The following NAV2 variants were observed in gnomAD, a reference collection of about 807,000 sequenced individuals.
NAV2 encodes helicase, APC down-regulated 1.
NAV2 carries 54 observed loss-of-function variants against 223.2 expected under a neutral mutation model. The observed-to-expected ratio is 0.24, with a 90% CI of 0.19 to 0.30. NAV2 has a LOEUF of 0.30. Ranked by LOEUF, NAV2 falls within the 10% of genes least tolerant of loss-of-function variation. NAV2 has a pLI of 1.00. For missense variants in NAV2, 2,806 were observed against 3,147.5 expected, an observed-to-expected ratio of 0.89 and a Z score of 2.60; for synonymous variants, 1,279 against 1,239.3, an observed-to-expected ratio of 1.03 and a Z score of -0.67.
chr11:19,982,583 A>G (rs114469420), intron 10 of NAV2, among the ~76,000 whole-genome samples: 282 of 152,338 alleles, frequency 1.9e-3, no homozygotes, highest in African/African-American at 6.5e-3. Flanking sequence ...TTACTCCAAC[A>G]GATTTCTCAT....
intron 5 of NAV2, among the ~76,000 whole-genome samples, chr11:19,882,327 G>A (rs1445302653): frequency 2.6e-5 from 4 of 152,144 alleles, no homozygotes; most frequent in Admixed American, 6.5e-5. Flanking sequence ...ATTAACTCTC[G>A]GGAATAATGG....
At chr11:19,547,040 C>T (rs2044522020) in intron 1 of NAV2, among the ~76,000 whole-genome samples, 1 of 152,178 alleles carries the variant, frequency 6.6e-6, no homozygotes, top group African/African-American at 2.4e-5. Flanking sequence ...AGTGGGTGCA[C>T]CGGAACTGTG....
chr11:19,699,949 G>A (rs973002819), intron 1 of NAV2, among the ~76,000 whole-genome samples: 3 of 152,180 alleles, frequency 2.0e-5, no homozygotes, highest in East Asian at 1.9e-4. Flanking sequence ...GAGGATCCCC[G>A]TGAGCCAGAG....
Position 20,049,840 on chromosome 11 carries a change from C to G in NAV2, c.4375C>G (p.Leu1459Val), listed in dbSNP as rs76731633. The G allele has an allele frequency of 6.6e-5, 106 of 1,614,136 alleles. No individual in the cohort carries two copies. In the East Asian group the frequency reaches 2.1e-3, roughly 33 times the overall value. ...SVKTTLSESPLSSPAASPKFC... is the reference protein window; with the variant it reads ...SVKTTLSESPVSSPAASPKFC... ...TCTACCTGCCTGGACTTCTAGCCCT[C>G]TCTCTTCCCCTGCTGCTAGCCCTAA... The change falls in exon 16 of 38, where the codon CTC becomes GTC. Residue 1459 changes from leucine to valine, a missense_variant. By Grantham distance (32) the Leu-to-Val change is conservative. Around this residue, in one of 4 missense-constraint regions of NAV2, gnomAD observed 742 missense variants for 777.9 expected, o/e 0.95. Coordinates refer to ENST00000349880, the MANE Select transcript of NAV2 (RefSeq NM_145117.5).
chr11:19,871,527 G>A (rs543004998), intron 4 of NAV2, among the ~76,000 whole-genome samples: 1 of 152,236 alleles, frequency 6.6e-6, no homozygotes, highest in Admixed American at 6.5e-5. Flanking sequence ...AGTCTCAGCA[G>A]GCCCTGCTGA....
intron 14 of NAV2, 58 bp from the exon 15 acceptor site, chr11:20,048,670 A>G: frequency 7.0e-7 from 1 of 1,435,422 alleles, no homozygotes; most frequent in Non-Finnish European, 9.7e-7. Flanking sequence ...CTTCTTTAAC[A>G]GTCCGGTGCC....
At chr11:20,088,082 A>G (rs145631910) in intron 26 of NAV2, among the ~76,000 whole-genome samples, 2 of 152,332 alleles carry the variant, frequency 1.3e-5, no homozygotes, top group African/African-American at 4.8e-5. Flanking sequence ...GCGATACAGC[A>G]TAAGTCTAGT....
At chr11:19,966,501 A>C (rs2048783228) in intron 10 of NAV2, among the ~76,000 whole-genome samples, 1 of 151,992 alleles carries the variant, frequency 6.6e-6, no homozygotes, top group African/African-American at 2.4e-5. Context: ...CATCTCCTTC[A>C]TCCCCTCACT....
chr11:19,912,317 A>C (rs2043381136), intron 6 of NAV2, among the ~76,000 whole-genome samples: 1 of 152,252 alleles, frequency 6.6e-6, no homozygotes, highest in South Asian at 2.1e-4. Flanking sequence ...CTCTTGCAAA[A>C]GTCCTCTTTG....
Position 20,121,472 on chromosome 11 carries a change from T to A in NAV2, c.*3214T>A, listed in dbSNP as rs2063468137. On this transcript the variant is annotated 3_prime_UTR_variant, in exon 38 of 38. Transcript: ENST00000349880. ...TCTTCCTACCTATTTAATTTTCATT[T>A]GTCATGAGGTTTTTGGATTTGCCAA... The A allele has an allele frequency of 6.6e-6, 1 of 152,602 alleles. No homozygotes were observed. The highest frequency in any genetic ancestry group is 2.4e-5 in the African/African-American group (1 of 41,428). 9.5% of individuals were successfully genotyped at this position (152,602 alleles called of 1,614,324 possible).
chr11:19,499,680 G>A (rs2042903625), intron 1 of NAV2, among the ~76,000 whole-genome samples: 1 of 152,076 alleles, frequency 6.6e-6, no homozygotes, highest in African/African-American at 2.4e-5. Context: ...CATCTTTCAG[G>A]GTTATTGTGT....
chr11:20,110,462 A>G (rs1420626235), intron 36 of NAV2, among the ~76,000 whole-genome samples: 1 of 152,178 alleles, frequency 6.6e-6, no homozygotes, highest in Non-Finnish European at 1.5e-5. Context: ...GATCTCATTT[A>G]GTTCTGACAG....
intron 1 of NAV2, among the ~76,000 whole-genome samples, chr11:19,766,485 G>T (rs1400042083): frequency 6.6e-6 from 1 of 152,218 alleles, no homozygotes; most frequent in Non-Finnish European, 1.5e-5. Context: ...CAGTGCTGAT[G>T]TCTCTTAAGG....
intron 8 of NAV2, among the ~76,000 whole-genome samples, chr11:19,943,941 T>TA (rs35101045): frequency 0.3 from 46,041 of 152,044 alleles, 8,689 homozygotes; most frequent in East Asian, 0.52. Flanking sequence ...CTCACGCCTG[T>TA]AATCCCAGCA....
intron 5 of NAV2, among the ~76,000 whole-genome samples, chr11:19,884,671 G>A (rs2063421287): frequency 6.6e-6 from 1 of 152,106 alleles, no homozygotes; most frequent in Admixed American, 6.6e-5. Context: ...TTTAGGTAAA[G>A]GTGAGTTTCT....
At chr11:19,529,005 A>G (rs1481803321) in intron 1 of NAV2, among the ~76,000 whole-genome samples, 2 of 152,108 alleles carry the variant, frequency 1.3e-5, no homozygotes, top group Non-Finnish European at 2.9e-5. Context: ...AGAAACCTAA[A>G]AAGTGAACAT....
At chr11:19,749,320 C>G (rs2053618191) in intron 1 of NAV2, among the ~76,000 whole-genome samples, 1 of 152,224 alleles carries the variant, frequency 6.6e-6, no homozygotes, top group Admixed American at 6.5e-5. Context: ...CCAGATTTTC[C>G]TCACCTCTTC....
chr11:19,974,993 G>A (rs1056891751), intron 10 of NAV2, among the ~76,000 whole-genome samples: 3 of 152,188 alleles, frequency 2.0e-5, no homozygotes, highest in African/African-American at 4.8e-5. Context: ...TGTATTCTGA[G>A]GTTTGAGAAT....
At chr11:20,025,800 A>G (rs1314046239) in intron 11 of NAV2, among the ~76,000 whole-genome samples, 1 of 152,146 alleles carries the variant, frequency 6.6e-6, no homozygotes, top group Non-Finnish European at 1.5e-5. Context: ...GACACTATCC[A>G]TTTATGGCAG....
Sources: gnomAD v4.1 joint callset for allele counts (sites outside exome capture counted in the v4.1 genomes callset) on GRCh38, gnomAD v4.1.1 for gene constraint, gnomAD v4.1.1 regional missense constraint, MANE v1.5 for transcripts, NCBI Gene and HGNC (gene_info 2026-07-23, HGNC 2026-07-21) for gene names.